Variants in COL22A1 observed in about 807,000 individuals in gnomAD.
COL22A1 encodes collagen type XXII alpha 1 chain.
Under a neutral mutation model 248.9 loss-of-function variants are expected in COL22A1, and 221 were observed. The ratio of observed to expected loss-of-function variants is 0.89; its 90% confidence interval spans 0.80 to 0.99. The LOEUF is 0.99. COL22A1 is among the 50% of genes least tolerant of loss of function. COL22A1 has a pLI of 0.00. For synonymous variants in COL22A1, 891 were observed against 793.4 expected (o/e 1.12, Z -2.07); for missense variants, 2,240 against 2,179.0 (o/e 1.03, Z -0.56).
chr8:138,708,638 A>G (rs999688644), intron 30 of COL22A1, among the ~76,000 whole-genome samples: 6 of 152,250 alleles, frequency 3.9e-5, no homozygotes, highest in African/African-American at 1.4e-4. Flanking sequence ...AAATTAATTC[A>G]AGATGGGTTA....
intron 12 of COL22A1, among the ~76,000 whole-genome samples, chr8:138,791,640 G>T (rs370084648): frequency 2.0e-5 from 3 of 152,246 alleles, no homozygotes; most frequent in East Asian, 3.9e-4. Flanking sequence ...ACTCTCAGGT[G>T]GATTTCCTGC....
chr8:138,765,685 T>G (rs950175692), intron 16 of COL22A1, among the ~76,000 whole-genome samples: 5 of 152,222 alleles, frequency 3.3e-5, no homozygotes, highest in Non-Finnish European at 7.3e-5. Context: ...GTTGACACTG[T>G]GCAGGTGTGG....
At chr8:138,827,881 C>G (rs1819722271) in intron 5 of COL22A1, among the ~76,000 whole-genome samples, 1 of 151,864 alleles carries the variant, frequency 6.6e-6, no homozygotes, top group Admixed American at 6.6e-5. Flanking sequence ...AACATGCAGC[C>G]TCTCCTGATT....
At position 138,676,551 on chromosome 8, in the gene COL22A1, G is replaced by A. The variant is rs373096936; in HGVS notation, c.3150+7C>T. ...AGCAAGTAAGAGCTGGATAAATAAA[G>A]ACTTACAGGAGGGCCAGCAACCCCA... On this transcript the variant is annotated splice_region_variant and intron_variant, in intron 41 of 64. Transcript: ENST00000303045. The A allele has an allele frequency of 6.4e-7, 1 of 1,555,548 alleles. No homozygotes were observed. Among genetic ancestry groups the A allele is most frequent in the Non-Finnish European group, 8.7e-7 (1 of 1,147,538 alleles).
Position 138,848,347 on chromosome 8 carries a change from G to A in COL22A1, c.659-4189C>T, listed in dbSNP as rs186706890. Among the ~76,000 whole-genome samples, 26 of 152,262 alleles carry A rather than the reference G, an allele frequency of 1.7e-4. No individual in the cohort carries two copies. The East Asian group carries it at 3.7e-3, about 21-fold the overall frequency. On this transcript the variant is annotated intron_variant, in intron 3 of 64. Coordinates refer to ENST00000303045, the MANE Select transcript of COL22A1 (RefSeq NM_152888.3). Reference sequence around the variant, plus strand: ...AAAGGTATCTCTTCACACAGCATGCGTTCCTTCTCACCGGAAGCCTATTGA... The same window carrying A: ...AAAGGTATCTCTTCACACAGCATGCATTCCTTCTCACCGGAAGCCTATTGA...
intron 1 of COL22A1, 24 bp from the exon 2 acceptor site, chr8:138,883,268 G>C: frequency 8.0e-7 from 1 of 1,255,698 alleles, no homozygotes; most frequent in Non-Finnish European, 1.1e-6. Context: ...GACACCCTTA[G>C]AGAAGGCTCT....
intron 11 of COL22A1, among the ~76,000 whole-genome samples, chr8:138,797,628 T>C (rs1339138746): frequency 6.6e-6 from 1 of 152,208 alleles, no homozygotes; most frequent in Non-Finnish European, 1.5e-5. Context: ...TGCTGGGTCA[T>C]ATGGTAACTC....
chr8:138,882,203 G>A lies in COL22A1; in HGVS notation c.91+879C>T, dbSNP rs1824262192. 1.3e-5 allele frequency among the ~76,000 whole-genome samples: 2 copies of A among 152,010 alleles called. 1 individual carries two copies. The highest frequency in any genetic ancestry group is 4.1e-4 in the South Asian group (2 of 4,824). ...AACCCAGGATGTGACTGACCAAGAC[G>A]TGTTAAAGCAACTCATTCCCTCTCT... On this transcript the variant is annotated intron_variant, in intron 2 of 64. Transcript: ENST00000303045.
At chr8:138,682,058 C>T (rs111359590) in intron 39 of COL22A1, among the ~76,000 whole-genome samples, 19 of 152,276 alleles carry the variant, frequency 1.2e-4, no homozygotes, top group African/African-American at 4.3e-4. Context: ...TTATTGTAAG[C>T]AAGCCTCTCA....
chr8:138,903,727 A>G (rs918274094), intron 1 of COL22A1, among the ~76,000 whole-genome samples: 1 of 152,206 alleles, frequency 6.6e-6, no homozygotes, highest in African/African-American at 2.4e-5. Flanking sequence ...GGTACATGGA[A>G]GAATACCCTG....
rs532163363 is a variant in COL22A1, at chr8:138,642,910, T to C, written c.3501+3719A>G. On this transcript the variant is annotated intron_variant, in intron 47 of 64. Transcript: ENST00000303045. ...TGGATGTAGTGGCATGCACCTGTAG[T>C]CCCAGCTACTCAGGGGGCTGAGGCA... Among the ~76,000 whole-genome samples, 94 of 151,854 alleles carry C rather than the reference T, an allele frequency of 6.2e-4. 2 individuals carry two copies. Among genetic ancestry groups the C allele is most frequent in the South Asian group, 3.8e-3 (18 of 4,798 alleles).
At chr8:138,663,476 G>C (rs1824168818) in intron 42 of COL22A1, among the ~76,000 whole-genome samples, 1 of 152,178 alleles carries the variant, frequency 6.6e-6, no homozygotes, top group Admixed American at 6.5e-5. Context: ...AAGCCAGTCT[G>C]TTTGCCTGAC....
At chr8:138,863,741 T>G (rs181065249) in intron 3 of COL22A1, among the ~76,000 whole-genome samples, 91 of 152,274 alleles carry the variant, frequency 6.0e-4, no homozygotes, top group African/African-American at 2.2e-3. Flanking sequence ...TTAACCCCTC[T>G]CTGAAGTGGA....
chr8:138,910,056 A>C (rs1054873038), intron 1 of COL22A1, among the ~76,000 whole-genome samples: 4 of 152,230 alleles, frequency 2.6e-5, no homozygotes, highest in African/African-American at 7.2e-5. Context: ...AATGTGAAGA[A>C]GCAATACAAA....
chr8:138,603,306 C>T (rs527895516), intron 59 of COL22A1, among the ~76,000 whole-genome samples: 2 of 152,190 alleles, frequency 1.3e-5, no homozygotes, highest in African/African-American at 4.8e-5. Flanking sequence ...AACATAATTA[C>T]CAAAAGCTGC....
intron 41 of COL22A1, among the ~76,000 whole-genome samples, chr8:138,670,640 C>T (rs1294020850): frequency 1.3e-5 from 2 of 152,014 alleles, no homozygotes; most frequent in African/African-American, 2.4e-5. Flanking sequence ...GGAAGTCAAT[C>T]GTGCAGGAGC....
chr8:138,801,356 A>T (rs1294984570), intron 11 of COL22A1, among the ~76,000 whole-genome samples: 1 of 152,216 alleles, frequency 6.6e-6, no homozygotes, highest in Non-Finnish European at 1.5e-5. Context: ...TAGACTCCAT[A>T]GGATGCACGT....
In COL22A1 at chr8:138,649,887, T is replaced by C. The variant is rs1403573884; in HGVS notation, c.3334-109A>G. 4.7e-6 allele frequency: 3 copies of C among 643,154 alleles called. No individual in the cohort carries two copies. In the African/African-American group the frequency reaches 5.6e-5, roughly 12 times the overall value. 39.8% of individuals were successfully genotyped at this position (643,154 alleles called of 1,614,324 possible). A position where few individuals can be genotyped will look rare whatever the true frequency, so the allele number is the denominator to read the frequency against. ...TATCTCTCCAGATGGAGATTTGGTTTTTAAATTCCAGAGAAGATAGAAAAG... is the reference window on the plus strand; with the variant it reads ...TATCTCTCCAGATGGAGATTTGGTTCTTAAATTCCAGAGAAGATAGAAAAG... On this transcript the variant is annotated intron_variant, in intron 45 of 64. Transcript: ENST00000303045.
intron 22 of COL22A1, among the ~76,000 whole-genome samples, chr8:138,743,567 G>A (rs1831871217): frequency 6.6e-6 from 1 of 152,152 alleles, no homozygotes; most frequent in African/African-American, 2.4e-5. Flanking sequence ...AAAGGTAGAT[G>A]TAGCAGCGGC....
Sources: gnomAD v4.1 joint callset for allele counts (sites outside exome capture counted in the v4.1 genomes callset) on GRCh38, gnomAD v4.1.1 for gene constraint, MANE v1.5 for transcripts, NCBI Gene and HGNC (gene_info 2026-07-23, HGNC 2026-07-21) for gene names.